The following CNTN4 variants were observed in gnomAD, a reference collection of about 807,000 sequenced individuals.
CNTN4 encodes contactin 4, also known as contactin-4.
A neutral mutation model predicts 122.5 loss-of-function variants in CNTN4; 77 were observed. The observed-to-expected ratio is 0.63, with a 90% CI of 0.52 to 0.76. CNTN4 has a LOEUF of 0.76. Ranked by LOEUF, CNTN4 falls within the 30% of genes least tolerant of loss-of-function variation. The pLI is 0.00. For synonymous variants in CNTN4, 512 were observed against 447.0 expected (o/e 1.15, Z -1.83); for missense variants, 1,256 against 1,259.1 (o/e 1.00, Z 0.04).
intron 6 of CNTN4, among the ~76,000 whole-genome samples, chr3:2,814,289 G>A (rs973540827): frequency 3.9e-5 from 6 of 152,176 alleles, no homozygotes; most frequent in Admixed American, 3.9e-4. Context: ...AATGGTGCAC[G>A]GATGTTAATT....
At chr3:2,923,350 G>A (rs912528021) in intron 12 of CNTN4, among the ~76,000 whole-genome samples, 21 of 151,604 alleles carry the variant, frequency 1.4e-4, no homozygotes, top group East Asian at 3.9e-4. Flanking sequence ...TCAGTTCAGG[G>A]GTTTGCATTG....
chr3:2,219,095 CT>C lies in CNTN4; in HGVS notation c.-145+118458del, dbSNP rs1226628589. Among the ~76,000 whole-genome samples, 3 of 152,140 alleles carry C rather than the reference CT, an allele frequency of 2.0e-5. No individual in the cohort carries two copies. In the East Asian group the frequency reaches 5.8e-4, roughly 29 times the overall value. On this transcript the variant is annotated intron_variant, in intron 2 of 24. Transcript: ENST00000418658. ...ATATTTCCATGAAGGCAGATTTTAT[CT>C]TCCATAAATGCTTAGATTCATAGAA...
intron 4 of CNTN4, among the ~76,000 whole-genome samples, chr3:2,699,166 T>TA (rs2086217586): frequency 6.6e-6 from 1 of 152,200 alleles, no homozygotes; most frequent in Non-Finnish European, 1.5e-5. Context: ...CACTCAGCCC[T>TA]AAAATACACC....
At chr3:2,865,563 C>A (rs1577091166) in intron 7 of CNTN4, among the ~76,000 whole-genome samples, 1 of 152,154 alleles carries the variant, frequency 6.6e-6, no homozygotes. Flanking sequence ...TTTAGTTGTT[C>A]CCTTACCCTC....
chr3:2,521,329 T>G (rs1239106376), intron 3 of CNTN4, among the ~76,000 whole-genome samples: 1 of 138,140 alleles, frequency 7.2e-6, no homozygotes, highest in South Asian at 2.4e-4. Context: ...TGAACAAGGG[T>G]GGACCTCTAC....
At chr3:2,491,302 C>T (rs1455339987) in intron 3 of CNTN4, among the ~76,000 whole-genome samples, 2 of 152,094 alleles carry the variant, frequency 1.3e-5, no homozygotes, top group African/African-American at 4.8e-5. Context: ...CTGAATTACA[C>T]AAGAGTAATA....
chr3:2,887,873 T>C (rs945606225), intron 10 of CNTN4, among the ~76,000 whole-genome samples: 3 of 152,220 alleles, frequency 2.0e-5, no homozygotes, highest in Non-Finnish European at 1.5e-5. Context: ...AGGATACTGA[T>C]TTGAAATCTC....
Position 3,039,031 on chromosome 3 carries a change from G to A in CNTN4, c.2163+28G>A, listed in dbSNP as rs530825636. On this transcript the variant is annotated intron_variant, in intron 19 of 24. Coordinates refer to ENST00000418658, the MANE Select transcript of CNTN4 (RefSeq NM_175607.3). Reference sequence around the variant, plus strand: ...AAATGAATCACAGAATAAAAGGAACGTACACGCATCGAAGCTATTTTATTA... The same window carrying A: ...AAATGAATCACAGAATAAAAGGAACATACACGCATCGAAGCTATTTTATTA... The A allele has an allele frequency of 1.0e-5, 16 of 1,556,124 alleles. No individual in the cohort carries two copies. In the East Asian group the frequency reaches 1.1e-4, roughly 11 times the overall value.
At chr3:2,645,877 ACT>A (rs1576330789) in intron 4 of CNTN4, among the ~76,000 whole-genome samples, 1 of 152,342 alleles carries the variant, frequency 6.6e-6, no homozygotes, top group East Asian at 1.9e-4. Context: ...ATGTTTAAAC[ACT>A]GAGACATACA....
At chr3:2,491,766 C>G (rs1260102860) in intron 3 of CNTN4, among the ~76,000 whole-genome samples, 1 of 152,136 alleles carries the variant, frequency 6.6e-6, no homozygotes, top group Non-Finnish European at 1.5e-5. Context: ...TATATAGTCT[C>G]CTAATTTAAA....
At chr3:2,274,902 C>T (rs1385483676) in intron 2 of CNTN4, among the ~76,000 whole-genome samples, 1 of 145,466 alleles carries the variant, frequency 6.9e-6, no homozygotes, top group Non-Finnish European at 1.5e-5. Context: ...ATCCTGAGTA[C>T]TGATGATCCA....
intron 4 of CNTN4, among the ~76,000 whole-genome samples, chr3:2,669,734 C>A (rs932478842): frequency 6.6e-6 from 1 of 152,122 alleles, no homozygotes; most frequent in Admixed American, 6.5e-5. Flanking sequence ...GCATTTAGTG[C>A]TATAAATTTC....
intron 7 of CNTN4, among the ~76,000 whole-genome samples, chr3:2,832,635 A>C (rs547810286): frequency 1.3e-5 from 2 of 152,352 alleles, no homozygotes; most frequent in East Asian, 3.9e-4. Flanking sequence ...AACATGGCAC[A>C]TGAGTATGGA....
At chr3:2,123,180 C>G (rs1408957174) in intron 2 of CNTN4, among the ~76,000 whole-genome samples, 3 of 152,136 alleles carry the variant, frequency 2.0e-5, no homozygotes, top group Admixed American at 2.0e-4. Context: ...TGCCTAGCAC[C>G]CTTGCATATG....
chr3:2,782,195 G>T (rs141067500), intron 6 of CNTN4, among the ~76,000 whole-genome samples: 188 of 152,016 alleles, frequency 1.2e-3, no homozygotes, highest in African/African-American at 4.4e-3. Flanking sequence ...GTATAAAGAG[G>T]CATGTCTGAC....
intron 14 of CNTN4, among the ~76,000 whole-genome samples, chr3:3,023,796 G>A (rs867068116): frequency 6.6e-6 from 1 of 152,140 alleles, no homozygotes; most frequent in African/African-American, 2.4e-5. Flanking sequence ...TTCCTCCTGC[G>A]TTTGAATATC....
intron 3 of CNTN4, among the ~76,000 whole-genome samples, chr3:2,554,491 C>G (rs994450732): frequency 1.3e-5 from 2 of 151,976 alleles, no homozygotes; most frequent in Non-Finnish European, 2.9e-5. Context: ...GTGAGGCCAG[C>G]TGATTTTGTT....
At position 2,887,039 on chromosome 3, in the gene CNTN4, G is replaced by A. The variant is rs2093987152; in HGVS notation, c.756-1G>A. The A allele has an allele frequency of 6.2e-7, 1 of 1,613,404 alleles. No individual in the cohort carries two copies. The highest frequency in any genetic ancestry group is 1.1e-5 in the South Asian group (1 of 91,036). On this transcript the variant is annotated splice_acceptor_variant, in intron 9 of 24. Transcript: ENST00000418658. LOFTEE classifies it high-confidence loss of function. Reference sequence around the variant, plus strand: ...TCACTCCTTTTTATTCTTGCTATCAGTCCAGTACCAACTATTATCTGGCGA... The same window carrying A: ...TCACTCCTTTTTATTCTTGCTATCAATCCAGTACCAACTATTATCTGGCGA...
At chr3:2,397,604 A>G (rs1431200246) in intron 3 of CNTN4, among the ~76,000 whole-genome samples, 1 of 152,054 alleles carries the variant, frequency 6.6e-6, no homozygotes, top group Non-Finnish European at 1.5e-5. Context: ...CAAACGCCAC[A>G]CTGCTCAGCA....
Sources: gnomAD v4.1 joint callset for allele counts (sites outside exome capture counted in the v4.1 genomes callset) on GRCh38, gnomAD v4.1.1 for gene constraint, MANE v1.5 for transcripts, NCBI Gene and HGNC (gene_info 2026-07-23, HGNC 2026-07-21) for gene names.